Variants in GARIN3 observed in about 807,000 individuals in gnomAD.
The protein encoded by GARIN3 is golgi associated RAB2 interactor family member 3, also known as Golgi-associated RAB2 interactor protein 3.
At chr5:157,164,955 G>A in the GARIN3 span, among the ~76,000 whole-genome samples, 2 of 152,096 alleles carry the variant, frequency 1.3e-5, no homozygotes, top group African/African-American at 4.8e-5. Flanking sequence ...GGAGGCAGAG[G>A]TTGCATTGAG....
At chr5:157,162,212 G>A in the GARIN3 span, 2 of 588,580 alleles carry the variant, frequency 3.4e-6, no homozygotes, top group African/African-American at 3.8e-5. Flanking sequence ...CCGTGGGCGG[G>A]TGGTGGAGCT....
At chr5:157,162,832 T>C in the GARIN3 span, 3 of 1,614,070 alleles carry the variant, frequency 1.9e-6, no homozygotes, top group African/African-American at 2.7e-5. Flanking sequence ...TTTTTTGTCA[T>C]CTCTCGTGTT....
the GARIN3 span, chr5:157,163,137 A>G: frequency 6.2e-7 from 1 of 1,614,176 alleles, no homozygotes; most frequent in South Asian, 1.1e-5. Context: ...TACTGCCTGC[A>G]AACGCCGCAC....
At chr5:157,162,902 T>A in the GARIN3 span, 1 of 1,614,232 alleles carries the variant, frequency 6.2e-7, no homozygotes, top group Non-Finnish European at 8.5e-7. Flanking sequence ...CCCGCTCTCC[T>A]GCGGTGACTT....
the GARIN3 span, chr5:157,166,215 C>CGA: frequency 9.6e-6 from 15 of 1,568,084 alleles, no homozygotes; most frequent in Middle Eastern, 1.7e-4. Flanking sequence ...ATAGAGTCCC[C>CGA]GAGAGAGAGA....
At chr5:157,162,603 A>T in the GARIN3 span, 1 of 1,614,122 alleles carries the variant, frequency 6.2e-7, no homozygotes, top group South Asian at 1.1e-5. Context: ...CCTCTCTGTC[A>T]TGTGATGTGA....
chr5:157,163,577 C>T, the GARIN3 span: 1 of 1,614,126 alleles, frequency 6.2e-7, no homozygotes, highest in Non-Finnish European at 8.5e-7. Context: ...CCAGCATAAG[C>T]AGAAGAGGTG....
At chr5:157,165,627 C>A in the GARIN3 span, 3 of 1,614,174 alleles carry the variant, frequency 1.9e-6, no homozygotes, top group Non-Finnish European at 2.5e-6. Context: ...ACTGCAGTAA[C>A]TCTCTACTGG....
the GARIN3 span, chr5:157,162,305 G>T: frequency 7.7e-7 from 1 of 1,290,726 alleles, no homozygotes; most frequent in Non-Finnish European, 1.1e-6. Flanking sequence ...CAGGCTATGG[G>T]CAGAAAAATT....
the GARIN3 span, chr5:157,166,250 C>A: frequency 1.3e-6 from 2 of 1,528,506 alleles, no homozygotes; most frequent in Non-Finnish European, 1.8e-6. Context: ...CTGCCCATCT[C>A]CCTACAGGAC....
the GARIN3 span, chr5:157,163,633 TC>T: frequency 6.2e-7 from 1 of 1,613,724 alleles, no homozygotes; most frequent in Non-Finnish European, 8.5e-7. Context: ...CTCACTCTGA[TC>T]CCCTTCTCTG....
At chr5:157,163,582 G>GC in the GARIN3 span, 1 of 1,614,162 alleles carries the variant, frequency 6.2e-7, no homozygotes. Flanking sequence ...ATAAGCAGAA[G>GC]AGGTGGCTGC....
the GARIN3 span, among the ~76,000 whole-genome samples, chr5:157,165,130 T>C: frequency 6.6e-6 from 1 of 152,156 alleles, no homozygotes; most frequent in Non-Finnish European, 1.5e-5. Flanking sequence ...ATGTATATTA[T>C]TCAGATGATG....
chr5:157,162,165 T>C, the GARIN3 span: 31 of 458,208 alleles, frequency 6.8e-5, no homozygotes, highest in Middle Eastern at 5.8e-4. Flanking sequence ...GCAAAAGGGA[T>C]TGAGGCAAAG....
chr5:157,164,238 C>T, the GARIN3 span, among the ~76,000 whole-genome samples: 5 of 151,368 alleles, frequency 3.3e-5, no homozygotes, highest in South Asian at 1.0e-3. Context: ...CAATCTCCGC[C>T]TCCCAGGTTC....
the GARIN3 span, among the ~76,000 whole-genome samples, chr5:157,164,500 C>G: frequency 6.6e-6 from 1 of 152,118 alleles, no homozygotes; most frequent in African/African-American, 2.4e-5. Flanking sequence ...TCTACAGCAC[C>G]CCTTCAATGG....
At chr5:157,165,727 G>A in the GARIN3 span, 60 of 1,614,032 alleles carry the variant, frequency 3.7e-5, no homozygotes, top group Non-Finnish European at 3.7e-5. Context: ...TAAAAAGTAC[G>A]GCCAGTGGCG....
chr5:157,163,375 C>T, the GARIN3 span: 2 of 1,614,110 alleles, frequency 1.2e-6, no homozygotes, highest in South Asian at 1.1e-5. Flanking sequence ...TGTTGCTATG[C>T]TCATAGCACC....
the GARIN3 span, chr5:157,165,804 A>G: frequency 6.2e-7 from 1 of 1,614,164 alleles, no homozygotes; most frequent in South Asian, 1.1e-5. Context: ...CAAGGGAAGC[A>G]GTCTCGTGAG....
Sources: allele counts gnomAD v4.1 joint callset (sites outside exome capture counted in the v4.1 genomes callset), GRCh38; gene constraint gnomAD v4.1.1; transcripts MANE v1.5; gene names NCBI Gene and HGNC (gene_info 2026-07-23, HGNC 2026-07-21).